DACH2: variants seen among roughly 807,000 people sequenced by gnomAD.
DACH2 encodes dachshund homolog 2.
Under a neutral mutation model 35.8 loss-of-function variants are expected in DACH2, and 17 were observed. The observed-to-expected ratio is 0.48, with a 90% CI of 0.33 to 0.71. The LOEUF is 0.71. Ranked by LOEUF, DACH2 falls within the 30% of genes least tolerant of loss-of-function variation. The probability of loss-of-function intolerance (pLI) is 0.02; values close to 1 mark genes in which losing one functional copy is unlikely to be tolerated. For synonymous variants in DACH2, 195 were observed against 177.3 expected (o/e 1.10, Z -0.79); for missense variants, 469 against 472.7 (o/e 0.99, Z 0.07).
intron 1 of DACH2, among the ~76,000 whole-genome samples, chrX:86,369,702 C>T (rs2035857143): frequency 9.0e-6 from 1 of 111,378 alleles, no homozygotes; most frequent in South Asian, 3.7e-4. Context: ...AATGTTATAG[C>T]ATTATTTATT....
chrX:86,433,246 T>TAACGTC (rs1420100766), intron 2 of DACH2, among the ~76,000 whole-genome samples: 1 of 111,857 alleles, frequency 8.9e-6, no homozygotes, highest in African/African-American at 3.2e-5. Flanking sequence ...GGAGAAGAAA[T>TAACGTC]AACGTCAACC....
intron 7 of DACH2, among the ~76,000 whole-genome samples, chrX:86,740,960 A>C (rs991820525): frequency 6.3e-5 from 7 of 111,529 alleles, no homozygotes; most frequent in Non-Finnish European, 1.3e-4. Flanking sequence ...ATTCTCATTT[A>C]GTATATAGTA....
At chrX:86,726,263 T>C (rs2041468152) in intron 6 of DACH2, among the ~76,000 whole-genome samples, 1 of 110,872 alleles carries the variant, frequency 9.0e-6, no homozygotes. Flanking sequence ...TTGTCCAGTC[T>C]CCTCCCTCTT....
intron 3 of DACH2, among the ~76,000 whole-genome samples, chrX:86,516,406 A>T (rs1335456719): frequency 1.8e-5 from 2 of 111,134 alleles, no homozygotes; most frequent in Non-Finnish European, 3.8e-5. Context: ...TGTTGAGGAA[A>T]AGCTCTAATA....
intron 3 of DACH2, among the ~76,000 whole-genome samples, chrX:86,546,459 T>TCCTCTA (rs2038972930): frequency 1.1e-5 from 1 of 94,263 alleles, no homozygotes; most frequent in Non-Finnish European, 2.1e-5. Context: ...CTCTTCCTCT[T>TCCTCTA]CTACCTCTTA....
At chrX:86,194,372 G>A (rs1356918915) in intron 1 of DACH2, among the ~76,000 whole-genome samples, 2 of 111,592 alleles carry the variant, frequency 1.8e-5, no homozygotes, top group Admixed American at 9.6e-5. Context: ...CAAGATGGCC[G>A]ACTAGATGCA....
At chrX:86,437,550 G>T (rs2037088111) in intron 2 of DACH2, among the ~76,000 whole-genome samples, 1 of 111,306 alleles carries the variant, frequency 9.0e-6, no homozygotes, top group South Asian at 3.7e-4. Context: ...TTTTTTGTGT[G>T]TGTCTGGCTT....
chrX:86,506,483 T>A (rs940312333), intron 2 of DACH2, among the ~76,000 whole-genome samples: 4 of 111,960 alleles, frequency 3.6e-5, no homozygotes, highest in African/African-American at 1.3e-4. Flanking sequence ...AACCTCAAAC[T>A]CCTAGGCTCA....
intron 3 of DACH2, among the ~76,000 whole-genome samples, chrX:86,610,363 CTCTTTCTTTCTTTCTTTCTT>C (rs201309617): frequency 5.4e-4 from 38 of 70,074 alleles, no homozygotes; most frequent in African/African-American, 1.3e-3. Context: ...TCCTTCCTTC[CTCTTTCTTTCTTTCTTTCTT>C]TCTTTCTTTC....
chrX:86,290,039 C>G lies in DACH2; in HGVS notation c.489-86785C>G, dbSNP rs1315282818. Among the ~76,000 whole-genome samples, 53 of 92,671 alleles carry G rather than the reference C, an allele frequency of 5.7e-4. 1 individual carries two copies. The highest frequency in any genetic ancestry group is 2.1e-3 in the African/African-American group (51 of 24,399). The allele number at this position is 92,671 out of a possible 115,157, so 80.5% of individuals were successfully genotyped here. On this transcript the variant is annotated intron_variant, in intron 1 of 11. Coordinates refer to ENST00000373125, the MANE Select transcript of DACH2 (RefSeq NM_053281.3). ...TTGAACTAGTTTACAGTCCCACCAA[C>G]AGTGTAAAAGTGTTCCTATTTCTCC...
chrX:86,633,185 A>G (rs1461170323), intron 3 of DACH2, among the ~76,000 whole-genome samples: 1 of 111,587 alleles, frequency 9.0e-6, no homozygotes, highest in Non-Finnish European at 1.9e-5. Context: ...TATTTGAAAG[A>G]TAAACAAAAT....
chrX:86,348,005 G>A (rs2035525808), intron 1 of DACH2, among the ~76,000 whole-genome samples: 1 of 111,584 alleles, frequency 9.0e-6, no homozygotes, highest in Non-Finnish European at 1.9e-5. Context: ...AAACACATAA[G>A]TCGTTGTTGA....
At chrX:86,188,743 C>A (rs888548114) in intron 1 of DACH2, among the ~76,000 whole-genome samples, 2 of 111,895 alleles carry the variant, frequency 1.8e-5, no homozygotes, top group Non-Finnish European at 3.8e-5. Context: ...GAGAAGGACT[C>A]TACAAACTGA....
At chrX:86,204,844 A>G (rs2032244582) in intron 1 of DACH2, among the ~76,000 whole-genome samples, 1 of 111,906 alleles carries the variant, frequency 8.9e-6, no homozygotes, top group African/African-American at 3.2e-5. Context: ...TTGAGACTTG[A>G]GCTAAAGCAA....
chrX:86,617,850 T>A (rs947465608), intron 3 of DACH2, among the ~76,000 whole-genome samples: 2 of 112,552 alleles, frequency 1.8e-5, no homozygotes, highest in African/African-American at 3.2e-5. Flanking sequence ...TGAATTCTGT[T>A]TTCACCATCA....
chrX:86,397,841 C>T (rs927486853), intron 2 of DACH2, among the ~76,000 whole-genome samples: 6 of 111,779 alleles, frequency 5.4e-5, no homozygotes, highest in African/African-American at 1.6e-4. Context: ...GGATATTGGT[C>T]TAAAATTCTC....
intron 4 of DACH2, among the ~76,000 whole-genome samples, chrX:86,686,144 G>C (rs1204133421): frequency 8.9e-6 from 1 of 112,326 alleles, no homozygotes; most frequent in Non-Finnish European, 1.9e-5. Context: ...TTTCCAAAAA[G>C]TGTCTTGTCA....
At chrX:86,628,464 G>A (rs772927907) in intron 3 of DACH2, among the ~76,000 whole-genome samples, 10 of 111,738 alleles carry the variant, frequency 8.9e-5, no homozygotes, top group Non-Finnish European at 1.3e-4. Context: ...ATCATAATTC[G>A]GGCTAGACAA....
At chrX:86,657,126 G>T (rs6623754) in intron 4 of DACH2, among the ~76,000 whole-genome samples, 9,618 of 106,294 alleles carry the variant, frequency 0.09, 484 homozygotes, top group South Asian at 0.33. Flanking sequence ...TGTGGGGAGG[G>T]TTAACAGGTA....
Sources: allele counts gnomAD v4.1 joint callset (sites outside exome capture counted in the v4.1 genomes callset), GRCh38; gene constraint gnomAD v4.1.1; transcripts MANE v1.5; gene names NCBI Gene and HGNC (gene_info 2026-07-23, HGNC 2026-07-21).